Variants in SYT9 observed in about 807,000 individuals in gnomAD.
SYT9 encodes synaptotagmin 9.
A neutral mutation model predicts 48.4 loss-of-function variants in SYT9; 22 were observed. The observed-to-expected ratio is 0.45, with a 90% CI of 0.32 to 0.65. The LOEUF (loss-of-function observed/expected upper bound fraction) is 0.65, where lower values mean the gene tolerates loss of function less well. Among genes scored for constraint, SYT9 ranks in the 30% least tolerant of loss-of-function variants. The pLI, the probability that SYT9 is intolerant of heterozygous loss-of-function variation, is 0.03. For missense variants in SYT9, 577 were observed against 622.0 expected (o/e 0.93, Z 0.77); for synonymous variants, 265 against 245.0 (o/e 1.08, Z -0.76).
intron 3 of SYT9, among the ~76,000 whole-genome samples, chr11:7,328,013 G>A (rs968535782): frequency 1.6e-4 from 22 of 137,782 alleles, no homozygotes; most frequent in African/African-American, 5.6e-4. Context: ...CATGGCACAT[G>A]TATACATATG....
chr11:7,332,056 G>A (rs1484568612), intron 3 of SYT9, among the ~76,000 whole-genome samples: 1 of 152,220 alleles, frequency 6.6e-6, no homozygotes, highest in Non-Finnish European at 1.5e-5. Flanking sequence ...AGCAGAAGCT[G>A]AGAGGGATTC....
intron 3 of SYT9, among the ~76,000 whole-genome samples, chr11:7,355,871 C>G (rs1050211446): frequency 2.6e-5 from 4 of 152,294 alleles, no homozygotes; most frequent in East Asian, 1.9e-4. Flanking sequence ...GTCTTTGCTC[C>G]CAAATATACC....
chr11:7,253,503 T>G (rs1847911459), intron 1 of SYT9, among the ~76,000 whole-genome samples: 1 of 152,226 alleles, frequency 6.6e-6, no homozygotes. Flanking sequence ...ATCCTTGATA[T>G]ATTCAAGATG....
intron 3 of SYT9, among the ~76,000 whole-genome samples, chr11:7,348,193 A>C (rs1849837950): frequency 6.6e-6 from 1 of 152,184 alleles, no homozygotes; most frequent in Non-Finnish European, 1.5e-5. Flanking sequence ...CCCCCTTCAA[A>C]GACATATACA....
chr11:7,279,488 G>T (rs1209967843), intron 1 of SYT9, among the ~76,000 whole-genome samples: 13 of 152,282 alleles, frequency 8.5e-5, no homozygotes, highest in Admixed American at 7.8e-4. Context: ...GCAGCGGGAA[G>T]CTTAGATAAT....
chr11:7,313,781 A>G lies in SYT9; in HGVS notation c.884A>G (p.Tyr295Cys), dbSNP rs1177758904. 3.7e-6 allele frequency: 6 copies of G among 1,614,214 alleles called. No individual in the cohort carries two copies. The highest frequency in any genetic ancestry group is 2.7e-5 in the African/African-American group (2 of 75,058). The change falls in exon 3 of 7, where the codon TAC (tyrosine) becomes TGC (cysteine). Residue 295 changes from tyrosine (Y) to cysteine (C), a missense_variant. By Grantham distance (194) the Tyr-to-Cys change is radical (BLOSUM62 -2). Coordinates refer to ENST00000318881, the MANE Select transcript of SYT9 (RefSeq NM_175733.4). ...FDEVFLFPVP[Y>C]NDLEARKLHF... ...GAAGTGTTTTTATTTCCGGTTCCCT[A>G]CAATGACCTTGAAGCACGGAAGCTT...
At chr11:7,300,935 C>T (rs1848908962) in intron 1 of SYT9, among the ~76,000 whole-genome samples, 1 of 152,150 alleles carries the variant, frequency 6.6e-6, no homozygotes, top group African/African-American at 2.4e-5. Context: ...TACTTTGACC[C>T]CACTGACTCC....
chr11:7,247,346 A>T (rs900746356), upstream of SYT9, among the ~76,000 whole-genome samples: 34 of 151,764 alleles, frequency 2.2e-4, no homozygotes, highest in African/African-American at 8.0e-4. Flanking sequence ...TGAGAACATA[A>T]GATGTTTGGT....
chr11:7,240,530 C>T (rs1847729999), intron 1 of SYT9, among the ~76,000 whole-genome samples: 1 of 152,182 alleles, frequency 6.6e-6, no homozygotes, highest in African/African-American at 2.4e-5. Context: ...CCTCCACAAA[C>T]AAGCTTTGAA....
In SYT9 at chr11:7,343,545, G is replaced by A. The variant is rs548423625; in HGVS notation, c.1044+29604G>A. 8.0e-4 allele frequency among the ~76,000 whole-genome samples: 121 copies of A among 152,198 alleles called. 1 individual carries two copies. The highest frequency in any genetic ancestry group is 6.8e-3 in the Middle Eastern group (2 of 294). On this transcript the variant is annotated intron_variant, in intron 3 of 6. Transcript: ENST00000318881. ...AGACCACCTCAGCCTGGATTTAATG[G>A]TCCATTATCAGCATTTTGGTCAAAG... is the stretch of plus-strand genomic sequence containing the variant.
chr11:7,451,147 C>T (rs1848039483), intron 6 of SYT9, among the ~76,000 whole-genome samples: 1 of 152,284 alleles, frequency 6.6e-6, no homozygotes, highest in East Asian at 1.9e-4. Context: ...TTCCTCCCCA[C>T]CTAATCAAAT....
chr11:7,420,480 A>G, intron 5 of SYT9, 26 bp from the exon 6 acceptor site: 1 of 1,611,960 alleles, frequency 6.2e-7, no homozygotes, highest in Non-Finnish European at 8.5e-7. Context: ...ATTTTAAGAA[A>G]AAACTATTGT....
intron 6 of SYT9, among the ~76,000 whole-genome samples, chr11:7,426,570 A>G (rs940756443): frequency 3.9e-5 from 6 of 152,200 alleles, no homozygotes; most frequent in African/African-American, 1.4e-4. Context: ...TCATGCCTAT[A>G]AAGTTACATG....
intron 3 of SYT9, among the ~76,000 whole-genome samples, chr11:7,321,177 G>A (rs915132006): frequency 6.6e-6 from 1 of 152,204 alleles, no homozygotes; most frequent in African/African-American, 2.4e-5. Flanking sequence ...TGCCAATACA[G>A]ATTCCAGTTC....
At chr11:7,398,208 A>G (rs1263332319) in intron 3 of SYT9, among the ~76,000 whole-genome samples, 2 of 152,020 alleles carry the variant, frequency 1.3e-5, no homozygotes, top group African/African-American at 4.8e-5. Flanking sequence ...TTTTGCCTCT[A>G]TTCATGTTTT....
At chr11:7,321,863 T>A (rs1409748693) in intron 3 of SYT9, among the ~76,000 whole-genome samples, 1 of 152,148 alleles carries the variant, frequency 6.6e-6, no homozygotes, top group Non-Finnish European at 1.5e-5. Flanking sequence ...ACTTCTGGGT[T>A]GTTGCCATGG....
chr11:7,264,237 A>G (rs1164651859), intron 1 of SYT9, among the ~76,000 whole-genome samples: 3 of 152,074 alleles, frequency 2.0e-5, no homozygotes, highest in Non-Finnish European at 4.4e-5. Flanking sequence ...AATGTTTAGG[A>G]GAGTGGAAGA....
intron 3 of SYT9, among the ~76,000 whole-genome samples, chr11:7,411,714 A>G (rs1847139697): frequency 6.6e-6 from 1 of 152,054 alleles, no homozygotes; most frequent in African/African-American, 2.4e-5. Context: ...CTTGCTCTGT[A>G]TTTGTGTGGG....
intron 3 of SYT9, among the ~76,000 whole-genome samples, chr11:7,361,081 T>G (rs1195980670): frequency 6.6e-6 from 1 of 152,106 alleles, no homozygotes; most frequent in East Asian, 1.9e-4. Context: ...TCTTTTTTCT[T>G]GATTCTTTTT....
Sources: allele counts gnomAD v4.1 joint callset (sites outside exome capture counted in the v4.1 genomes callset), GRCh38; gene constraint gnomAD v4.1.1; transcripts MANE v1.5; gene names NCBI Gene and HGNC (gene_info 2026-07-23, HGNC 2026-07-21).